The following MGAT4D variants were observed in gnomAD, a reference collection of about 807,000 sequenced individuals.
The protein encoded by MGAT4D is alpha-1,3-mannosyl-glycoprotein 4-beta-N-acetylglucosaminyltransferase-like protein MGAT4D.
Under a neutral mutation model 15.9 loss-of-function variants are expected in MGAT4D, and 34 were observed. The observed-to-expected ratio is 2.14, with a 90% CI of 1.62 to 2.84. The LOEUF is 2.84. Among genes scored for constraint, MGAT4D ranks in the 30% most tolerant of loss-of-function variants. The probability of loss-of-function intolerance (pLI) is 0.00; values close to 1 mark genes in which losing one functional copy is unlikely to be tolerated. For missense variants in MGAT4D, 327 were observed against 140.2 expected, an observed-to-expected ratio of 2.33 and a Z score of -6.73; for synonymous variants, 112 against 48.2, an observed-to-expected ratio of 2.33 and a Z score of -5.49.
At chr4:140,481,558 C>T (rs1732732973) in intron 2 of MGAT4D, among the ~76,000 whole-genome samples, 1 of 152,112 alleles carries the variant, frequency 6.6e-6, no homozygotes, top group African/African-American at 2.4e-5. Flanking sequence ...GAAAACAACC[C>T]AAATGCCTTT....
chr4:140,467,194 G>T (rs915581483), intron 5 of MGAT4D, among the ~76,000 whole-genome samples: 2 of 151,760 alleles, frequency 1.3e-5, no homozygotes, highest in Admixed American at 1.3e-4. Context: ...CAAATGAAAA[G>T]ATTTTTAAAA....
At position 140,498,172 on chromosome 4, in the gene MGAT4D, C is replaced by A. The variant is rs1424124811; in HGVS notation, c.51G>T (p.Leu17Phe). 1 of 702,668 alleles carries A rather than the reference C, an allele frequency of 1.4e-6. No homozygotes were observed. The highest frequency in any genetic ancestry group is 1.7e-5 in the African/African-American group (1 of 57,368). The allele number at this position is 702,668 out of a possible 1,614,324, so 43.5% of individuals were successfully genotyped here. ...NLLITLVAVA[L>F]FSFSCFSIYR... ...AGATGGAGAAGCAAGAGAAGCTGAA[C>A]AACGCGACGGCGACCAGGGTGATCA... Residue 17 changes from leucine to phenylalanine, a missense_variant, in exon 1 of 11, where the codon TTG (leucine) becomes TTT (phenylalanine). Leu to Phe is a conservative substitution (Grantham distance 22). Transcript: ENST00000511113.
intron 1 of MGAT4D, 65 bp downstream of exon 1, chr4:140,498,064 T>C (rs1203493870): frequency 7.4e-6 from 5 of 675,336 alleles, no homozygotes; most frequent in Non-Finnish European, 1.3e-5. Flanking sequence ...CTGCCCCGCC[T>C]GCATTCCTGC....
intron 5 of MGAT4D, among the ~76,000 whole-genome samples, chr4:140,468,409 T>A (rs918076256): frequency 6.6e-6 from 1 of 152,180 alleles, no homozygotes; most frequent in Admixed American, 6.5e-5. Flanking sequence ...AGTAACCACA[T>A]ACTCTAATTT....
intron 1 of MGAT4D, among the ~76,000 whole-genome samples, chr4:140,492,591 G>T (rs967937273): frequency 1.3e-5 from 2 of 150,168 alleles, no homozygotes; most frequent in Non-Finnish European, 2.9e-5. Context: ...TTGCACCACC[G>T]CCCTCTAGCC....
chr4:140,482,807 T>C (rs2126830933), intron 1 of MGAT4D, among the ~76,000 whole-genome samples: 1 of 152,248 alleles, frequency 6.6e-6, no homozygotes. Context: ...GGTGTGCGTG[T>C]ATCAGATTTG....
intron 2 of MGAT4D, among the ~76,000 whole-genome samples, chr4:140,480,728 A>AACACACACAC (rs10615827): frequency 3.6e-4 from 45 of 125,686 alleles, no homozygotes; most frequent in South Asian, 8.8e-4. Flanking sequence ...CTCATCTCTA[A>AACACACACAC]ACACACACAC....
intron 1 of MGAT4D, among the ~76,000 whole-genome samples, chr4:140,493,955 C>T (rs1034650388): frequency 6.6e-6 from 1 of 152,282 alleles, no homozygotes; most frequent in East Asian, 1.9e-4. Flanking sequence ...AGCAGGCCAG[C>T]CACAGGGCCA....
At chr4:140,486,680 C>A (rs1220144651) in intron 1 of MGAT4D, among the ~76,000 whole-genome samples, 11 of 152,114 alleles carry the variant, frequency 7.2e-5, no homozygotes. Flanking sequence ...TCTGAAACAG[C>A]GATTTGCATA....
chr4:140,488,628 G>A (rs1733298864), intron 1 of MGAT4D, among the ~76,000 whole-genome samples: 4 of 152,286 alleles, frequency 2.6e-5, no homozygotes, highest in African/African-American at 9.6e-5. Flanking sequence ...CAGAAAGAAG[G>A]GAAGGGCATT....
chr4:140,484,795 G>C (rs1187857276), intron 1 of MGAT4D, among the ~76,000 whole-genome samples: 1 of 152,168 alleles, frequency 6.6e-6, no homozygotes, highest in African/African-American at 2.4e-5. Flanking sequence ...ACAGACACAT[G>C]AAAAAATGCT....
intron 1 of MGAT4D, among the ~76,000 whole-genome samples, chr4:140,490,991 G>A (rs1038985596): frequency 4.0e-5 from 6 of 151,870 alleles, no homozygotes; most frequent in African/African-American, 9.7e-5. Context: ...ATGAATCCTC[G>A]ACTTAATAGT....
intron 1 of MGAT4D, among the ~76,000 whole-genome samples, chr4:140,490,895 A>G (rs1382265729): frequency 3.3e-5 from 5 of 152,108 alleles, no homozygotes; most frequent in Non-Finnish European, 5.9e-5. Context: ...AAATATTTTA[A>G]TTTCTTTTTT....
chr4:140,471,068 T>C (rs1027199377), intron 5 of MGAT4D, among the ~76,000 whole-genome samples: 2 of 151,990 alleles, frequency 1.3e-5, no homozygotes, highest in South Asian at 4.2e-4. Context: ...GGGGCCATTT[T>C]TTCAGTAGAG....
At chr4:140,497,844 G>GA (rs1245105530) in intron 1 of MGAT4D, among the ~76,000 whole-genome samples, 6 of 152,372 alleles carry the variant, frequency 3.9e-5, no homozygotes, top group Admixed American at 3.9e-4. Context: ...AACCTTTGAG[G>GA]AAAAGGGAGC....
At chr4:140,495,383 T>C (rs1291483474) in intron 1 of MGAT4D, among the ~76,000 whole-genome samples, 32 of 152,240 alleles carry the variant, frequency 2.1e-4, no homozygotes, top group Admixed American at 2.0e-3. Flanking sequence ...TGTTGTTTAC[T>C]TCCCGTAAGC....
intron 2 of MGAT4D, among the ~76,000 whole-genome samples, chr4:140,481,210 T>C (rs1732702374): frequency 6.6e-6 from 1 of 151,772 alleles, no homozygotes; most frequent in Non-Finnish European, 1.5e-5. Flanking sequence ...GAGACTGAGA[T>C]AGGAGGATTG....
At chr4:140,450,377 A>G (rs1730397011) in intron 10 of MGAT4D, among the ~76,000 whole-genome samples, 1 of 152,252 alleles carries the variant, frequency 6.6e-6, no homozygotes, top group South Asian at 2.1e-4. Context: ...AATGGTATAG[A>G]CCAATCTATT....
At position 140,449,489 on chromosome 4, in the gene MGAT4D, A is replaced by G. The variant is rs577997367; in HGVS notation, c.1116+1921T>C. On this transcript the variant is annotated intron_variant, in intron 10 of 10. Coordinates refer to ENST00000511113, the MANE Select transcript of MGAT4D (RefSeq NM_001277353.2). ...AAAAATTTTATCATGGCCAGGCATGATGGCTCACACCTGTAATCCCAGTGC... is the reference window on the plus strand; with the variant it reads ...AAAAATTTTATCATGGCCAGGCATGGTGGCTCACACCTGTAATCCCAGTGC... 8.5e-5 allele frequency among the ~76,000 whole-genome samples: 13 copies of G among 152,324 alleles called. No homozygotes were observed. In the East Asian group the frequency reaches 2.5e-3, roughly 29 times the overall value.
Sources: gnomAD v4.1 joint callset for allele counts (sites outside exome capture counted in the v4.1 genomes callset) on GRCh38, gnomAD v4.1.1 for gene constraint, MANE v1.5 for transcripts, NCBI Gene and HGNC (gene_info 2026-07-23, HGNC 2026-07-21) for gene names.